Variants in GDPD5 observed in about 807,000 individuals in gnomAD.
The protein encoded by GDPD5 is glycerophosphodiester phosphodiesterase 2.
Under a neutral mutation model 75.1 loss-of-function variants are expected in GDPD5, and 48 were observed. The ratio of observed to expected loss-of-function variants is 0.64; its 90% CI spans 0.51 to 0.81. The LOEUF (loss-of-function observed/expected upper bound fraction) is 0.81, where lower values mean the gene tolerates loss of function less well. Ranked by LOEUF, GDPD5 falls within the 40% of genes least tolerant of loss-of-function variation. The pLI, the probability that GDPD5 is intolerant of heterozygous loss-of-function variation, is 0.00. For missense variants in GDPD5, 706 were observed against 822.6 expected (o/e 0.86, Z 1.73); for synonymous variants, 336 against 339.0 (o/e 0.99, Z 0.10).
At chr11:75,442,694 T>C (rs1592061166) in intron 11 of GDPD5, 113 bp from the exon 12 acceptor site, 2 of 897,554 alleles carry the variant, frequency 2.2e-6, no homozygotes, top group South Asian at 3.3e-5. Context: ...TCTGCTGGGG[T>C]CAGGCAGATT....
chr11:75,477,476 T>C (rs1037365229), intron 3 of GDPD5, 143 bp downstream of exon 3: 2 of 465,324 alleles, frequency 4.3e-6, no homozygotes, highest in Non-Finnish European at 7.8e-6. Context: ...AAGCCCATTT[T>C]ACAGAGGGAG....
chr11:75,496,785 T>TTTTC (rs1378823697), intron 1 of GDPD5, among the ~76,000 whole-genome samples: 3 of 143,584 alleles, frequency 2.1e-5, no homozygotes, highest in Non-Finnish European at 4.6e-5. Flanking sequence ...CTTTCTTTTT[T>TTTTC]TTTTTTTTTT....
At position 75,451,686 on chromosome 11, in the gene GDPD5, AC is replaced by A. The variant is rs1949159061; in HGVS notation, c.376-1704del. The A allele has an allele frequency of 2.6e-5, 4 of 152,240 alleles. No individual in the cohort carries two copies. The South Asian group carries it at 8.3e-4, about 32-fold the overall frequency. 9.4% of individuals were successfully genotyped at this position (152,240 alleles called of 1,614,324 possible). ...GCCATCGTGGGAGGTGGCCCTGCAC[AC>A]AGTGAGTTAAGGATGGTTTCCAGGA... is the stretch of plus-strand genomic sequence containing the variant. On this transcript the variant is annotated intron_variant, in intron 6 of 16. Transcript: ENST00000336898.
intron 1 of GDPD5, among the ~76,000 whole-genome samples, chr11:75,521,443 C>A (rs1232138273): frequency 6.6e-6 from 1 of 152,166 alleles, no homozygotes; most frequent in Non-Finnish European, 1.5e-5. Context: ...TCAGGTACCT[C>A]TCTGAGCCCC....
intron 14 of GDPD5, among the ~76,000 whole-genome samples, chr11:75,440,795 T>C (rs925508352): frequency 6.6e-6 from 1 of 152,166 alleles, no homozygotes; most frequent in African/African-American, 2.4e-5. Context: ...TGGGCTCCAG[T>C]GATCATCCTG....
intron 1 of GDPD5, among the ~76,000 whole-genome samples, chr11:75,516,408 G>C (rs1950640588): frequency 6.6e-6 from 1 of 152,200 alleles, no homozygotes; most frequent in Non-Finnish European, 1.5e-5. Context: ...ACCCTCTCTG[G>C]CTGTGCCCAG....
chr11:75,516,621 G>A (rs1950644422), intron 1 of GDPD5, among the ~76,000 whole-genome samples: 1 of 152,216 alleles, frequency 6.6e-6, no homozygotes, highest in Non-Finnish European at 1.5e-5. Context: ...GGACCAGCCA[G>A]TGAAGGAAGG....
In GDPD5 at chr11:75,477,753, TGG is replaced by T; in HGVS notation, c.-20_-19del. 1.3e-6 allele frequency: 2 copies of T among 1,527,134 alleles called. No homozygotes were observed. Among genetic ancestry groups the T allele is most frequent in the Non-Finnish European group, 1.8e-6 (2 of 1,124,388 alleles). 94.6% of individuals were successfully genotyped at this position (1,527,134 alleles called of 1,614,324 possible). A position where few individuals can be genotyped will look rare whatever the true frequency, so the allele number is the denominator to read the frequency against. ...CTCACCATACTCGTGCCCACGGCCCTGGCGCCTGGCCCTCAGGCGCCCATGGA... is the reference window on the plus strand; with the variant it reads ...CTCACCATACTCGTGCCCACGGCCCTCGCCTGGCCCTCAGGCGCCCATGGA... On this transcript the variant is annotated 5_prime_UTR_variant, in exon 3 of 17. Coordinates refer to ENST00000336898, the MANE Select transcript of GDPD5 (RefSeq NM_030792.8).
chr11:75,521,146 C>T (rs1557475), intron 1 of GDPD5, among the ~76,000 whole-genome samples: 112,302 of 152,104 alleles, frequency 0.74, 43,806 homozygotes, highest in Middle Eastern at 0.86. Flanking sequence ...CATGGACACA[C>T]GGGACCCCAG....
At chr11:75,475,970 C>T (rs1419956802) in intron 3 of GDPD5, among the ~76,000 whole-genome samples, 1 of 152,230 alleles carries the variant, frequency 6.6e-6, no homozygotes, top group Admixed American at 6.5e-5. Context: ...CTTCCTGACT[C>T]CATGCCTATG....
intron 1 of GDPD5, among the ~76,000 whole-genome samples, chr11:75,514,828 A>T (rs116331871): frequency 6.6e-6 from 1 of 152,240 alleles, no homozygotes; most frequent in Admixed American, 6.5e-5. Context: ...CATACAGAGA[A>T]GGGGGGCATG....
intron 1 of GDPD5, among the ~76,000 whole-genome samples, chr11:75,499,745 G>C (rs538092210): frequency 2.0e-5 from 3 of 152,128 alleles, no homozygotes; most frequent in Non-Finnish European, 4.4e-5. Flanking sequence ...CCAGAGATGG[G>C]GTTGGGTGTG....
intron 1 of GDPD5, among the ~76,000 whole-genome samples, chr11:75,492,062 G>A (rs1466392310): frequency 1.3e-5 from 2 of 152,170 alleles, no homozygotes; most frequent in South Asian, 2.1e-4. Flanking sequence ...GGAAAGTACC[G>A]CAGAGTCTCC....
chr11:75,441,377 G>A, intron 13 of GDPD5, 67 bp from the exon 14 acceptor site: 1 of 1,583,120 alleles, frequency 6.3e-7, no homozygotes, highest in Non-Finnish European at 8.7e-7. Context: ...TGTCGGGGCT[G>A]GTAAAGCACG....
chr11:75,473,692 C>T (rs1949719065), intron 3 of GDPD5, among the ~76,000 whole-genome samples: 1 of 152,180 alleles, frequency 6.6e-6, no homozygotes, highest in Non-Finnish European at 1.5e-5. Context: ...CACTGAGCAG[C>T]ACCCTTCCCC....
At chr11:75,488,220 C>G (rs1950050256) in intron 2 of GDPD5, among the ~76,000 whole-genome samples, 1 of 152,236 alleles carries the variant, frequency 6.6e-6, no homozygotes, top group East Asian at 1.9e-4. Flanking sequence ...CCTGCCCCCA[C>G]CCCCTTCTCC....
At chr11:75,436,328 C>G (rs1237328724) in intron 16 of GDPD5, among the ~76,000 whole-genome samples, 2 of 152,204 alleles carry the variant, frequency 1.3e-5, no homozygotes, top group Admixed American at 1.3e-4. Flanking sequence ...GCCGTGCCCA[C>G]CTGGAATGCC....
At chr11:75,506,521 G>A (rs1259932036) in intron 1 of GDPD5, 2 of 152,218 alleles carry the variant, frequency 1.3e-5, no homozygotes, top group African/African-American at 2.4e-5. Flanking sequence ...ATTCTTAGCT[G>A]AGCAGAGGCC....
At chr11:75,444,371 G>A in intron 10 of GDPD5, 42 bp downstream of exon 10, 20 of 1,446,426 alleles carry the variant, frequency 1.4e-5, no homozygotes, top group Non-Finnish European at 1.9e-5. Context: ...GCCGAAGCGT[G>A]TGGGAGGGGT....
Sources: gnomAD v4.1 joint callset for allele counts (sites outside exome capture counted in the v4.1 genomes callset) on GRCh38, gnomAD v4.1.1 for gene constraint, MANE v1.5 for transcripts, NCBI Gene and HGNC (gene_info 2026-07-23, HGNC 2026-07-21) for gene names.